The following ACER3 variants were observed in gnomAD, a reference collection of about 807,000 sequenced individuals.
The protein encoded by ACER3 is alkaline ceramidase 3, also known as alkCDase 3.
In ACER3, 16 loss-of-function variants were observed where a neutral mutation model predicts 48.9. The ratio of observed to expected loss-of-function variants is 0.33; its 90% CI spans 0.22 to 0.50. The LOEUF is 0.50. Among genes scored for constraint, ACER3 ranks in the 20% least tolerant of loss-of-function variants. ACER3 has a pLI of 0.98. For missense variants in ACER3, 227 were observed against 326.0 expected (o/e 0.70, Z 2.34); for synonymous variants, 109 against 107.8 (o/e 1.01, Z -0.07).
At chr11:76,938,142 T>C (rs1056131432) in intron 2 of ACER3, among the ~76,000 whole-genome samples, 1 of 152,082 alleles carries the variant, frequency 6.6e-6, no homozygotes, top group East Asian at 1.9e-4. Context: ...GTCTTCCTAG[T>C]AGTTGGGACT....
chr11:77,017,160 A>G (rs1425498503), intron 9 of ACER3, among the ~76,000 whole-genome samples: 1 of 152,196 alleles, frequency 6.6e-6, no homozygotes, highest in Non-Finnish European at 1.5e-5. Flanking sequence ...AGCAGAAATA[A>G]ACAAAATAGA....
chr11:76,904,841 A>ATGTG (rs3047842), intron 1 of ACER3, among the ~76,000 whole-genome samples: 8,519 of 147,460 alleles, frequency 0.058, 639 homozygotes, highest in African/African-American at 0.17. Context: ...TTCTCTATGT[A>ATGTG]TGTGTGTGTG....
intron 1 of ACER3, among the ~76,000 whole-genome samples, chr11:76,921,184 C>A (rs1216475202): frequency 6.6e-6 from 1 of 151,918 alleles, no homozygotes; most frequent in African/African-American, 2.4e-5. Flanking sequence ...TTTTCATGTC[C>A]TACTGAAAAA....
intron 7 of ACER3, among the ~76,000 whole-genome samples, chr11:77,000,279 A>G (rs1949002090): frequency 6.6e-6 from 1 of 152,162 alleles, no homozygotes; most frequent in Non-Finnish European, 1.5e-5. Context: ...TTTTTTTATA[A>G]GAGATAATAA....
Position 76,929,931 on chromosome 11 carries a change from T to C in ACER3, c.214+3264T>C, listed in dbSNP as rs12280492. On this transcript the variant is annotated intron_variant, in intron 2 of 10. Coordinates refer to ENST00000532485, the MANE Select transcript of ACER3 (RefSeq NM_018367.7). Reference sequence around the variant, plus strand: ...TCAGATATATTGGTCTAAAATTCTCTTTTTTTGTTGTGTCTCTGCCAGGCT... The same window carrying C: ...TCAGATATATTGGTCTAAAATTCTCCTTTTTTGTTGTGTCTCTGCCAGGCT... Among the ~76,000 whole-genome samples the C allele has an allele frequency of 1.4e-3, 218 of 152,240 alleles. 2 individuals carry two copies. The highest frequency in any genetic ancestry group is 5.0e-3 in the African/African-American group (207 of 41,558).
intron 1 of ACER3, 49 bp downstream of exon 1, chr11:76,861,128 A>C: frequency 6.7e-7 from 1 of 1,496,090 alleles, no homozygotes; most frequent in Middle Eastern, 2.3e-4. Flanking sequence ...CACCGGGCTG[A>C]GGAGACGCCG....
At chr11:76,867,298 G>A (rs1319534996) in intron 1 of ACER3, among the ~76,000 whole-genome samples, 2 of 151,618 alleles carry the variant, frequency 1.3e-5, no homozygotes, top group East Asian at 1.9e-4. Context: ...ATGAGACACC[G>A]TCTCTACTAA....
At chr11:76,931,096 G>A (rs989010483) in intron 2 of ACER3, among the ~76,000 whole-genome samples, 1 of 141,194 alleles carries the variant, frequency 7.1e-6, no homozygotes, top group Non-Finnish European at 1.5e-5. Context: ...TTGTGTGGGA[G>A]TCTAAGTCTC....
chr11:77,018,379 T>C (rs1424899716), intron 9 of ACER3, among the ~76,000 whole-genome samples: 1 of 152,168 alleles, frequency 6.6e-6, no homozygotes, highest in Non-Finnish European at 1.5e-5. Context: ...TTCCTTCTCC[T>C]CCAGCCTCCC....
intron 1 of ACER3, 104 bp from the exon 2 acceptor site, chr11:76,926,453 C>G: frequency 1.7e-6 from 1 of 586,108 alleles, no homozygotes; most frequent in South Asian, 3.6e-5. Context: ...CAATGTCTTT[C>G]TGAGAAGTTA....
In ACER3 at chr11:76,974,386, C is replaced by A. The variant is rs150249863; in HGVS notation, c.268-1903C>A. Among the ~76,000 whole-genome samples the A allele has an allele frequency of 1.4e-3, 217 of 152,278 alleles. 1 individual carries two copies. Among genetic ancestry groups the A allele is most frequent in the Non-Finnish European group, 2.5e-3 (173 of 68,020 alleles). ...ACTTTTATTGTTTCTGGATAAAGAT[C>A]AGTCTTAGTACTAAGGTAAGAGCCA... On this transcript the variant is annotated intron_variant, in intron 3 of 10. Transcript: ENST00000532485.
chr11:77,023,179 T>A lies in ACER3; in HGVS notation c.*2852T>A. 1 of 398,572 alleles carries A rather than the reference T, an allele frequency of 2.5e-6. No individual in the cohort carries two copies. The highest frequency in any genetic ancestry group is 4.4e-6 in the Non-Finnish European group (1 of 226,042). The allele number at this position is 398,572 out of a possible 1,614,324, so 24.7% of individuals were successfully genotyped here. A position where few individuals can be genotyped will look rare whatever the true frequency, so the allele number is the denominator to read the frequency against. On this transcript the variant is annotated 3_prime_UTR_variant, in exon 11 of 11. Transcript: ENST00000532485. ...ATAATTAACAGGAAAAACATGTTTTTAAATAATCTACAAATGAGAACCCAA... is the reference window on the plus strand; with the variant it reads ...ATAATTAACAGGAAAAACATGTTTTAAAATAATCTACAAATGAGAACCCAA...
At chr11:76,883,033 T>A (rs994582460) in intron 1 of ACER3, among the ~76,000 whole-genome samples, 7 of 152,222 alleles carry the variant, frequency 4.6e-5, no homozygotes, top group African/African-American at 1.7e-4. Flanking sequence ...CCAGCAAGCC[T>A]GTGGTGTTAC....
chr11:76,903,128 C>T (rs1297642827), intron 1 of ACER3, among the ~76,000 whole-genome samples: 1 of 151,898 alleles, frequency 6.6e-6, no homozygotes, highest in African/African-American at 2.4e-5. Context: ...AGTTTGTCTG[C>T]AAGTTTTTTC....
chr11:76,947,246 C>T (rs1449848195), intron 2 of ACER3, among the ~76,000 whole-genome samples: 1 of 152,126 alleles, frequency 6.6e-6, no homozygotes, highest in Non-Finnish European at 1.5e-5. Context: ...AACAACACAC[C>T]TTCCCTGAGC....
intron 1 of ACER3, among the ~76,000 whole-genome samples, chr11:76,890,980 A>G (rs536594456): frequency 1.5e-4 from 23 of 151,976 alleles, no homozygotes; most frequent in African/African-American, 4.6e-4. Flanking sequence ...TTAGCCAGGC[A>G]TGGTGGCACG....
chr11:76,913,255 TAAG>T (rs1170845129), intron 1 of ACER3, among the ~76,000 whole-genome samples: 5 of 152,126 alleles, frequency 3.3e-5, no homozygotes, highest in Admixed American at 6.6e-5. Flanking sequence ...CTTATCAGCT[TAAG>T]GAGATTTTGG....
intron 1 of ACER3, among the ~76,000 whole-genome samples, chr11:76,888,485 T>G (rs1347726326): frequency 6.6e-6 from 1 of 152,188 alleles, no homozygotes; most frequent in Non-Finnish European, 1.5e-5. Flanking sequence ...GTCCTTTGTT[T>G]ATGATCTCAC....
chr11:76,890,426 C>G (rs1265914797), intron 1 of ACER3, among the ~76,000 whole-genome samples: 2 of 152,190 alleles, frequency 1.3e-5, no homozygotes, highest in Admixed American at 6.5e-5. Context: ...TTGGCATATT[C>G]TGCCCAATGA....
Sources: allele counts gnomAD v4.1 joint callset (sites outside exome capture counted in the v4.1 genomes callset), GRCh38; gene constraint gnomAD v4.1.1; transcripts MANE v1.5; gene names NCBI Gene and HGNC (gene_info 2026-07-23, HGNC 2026-07-21).